Variants in KIF1A observed in about 807,000 individuals in gnomAD.
The protein encoded by KIF1A is kinesin-like protein KIF1A.
A neutral mutation model predicts 227.3 loss-of-function variants in KIF1A; 46 were observed. The observed-to-expected ratio is 0.20, with a 90% CI of 0.16 to 0.26. The LOEUF is 0.26. KIF1A is among the 10% of genes least tolerant of loss of function. The pLI is 1.00. For synonymous variants in KIF1A, 1,022 were observed against 1,012.8 expected (o/e 1.01, Z -0.17); for missense variants, 1,683 against 2,485.9 (o/e 0.68, Z 6.87).
chr2:240,728,912 A>G (rs1434257544), intron 38 of KIF1A, among the ~76,000 whole-genome samples: 3 of 152,188 alleles, frequency 2.0e-5, no homozygotes, highest in African/African-American at 7.2e-5. Context: ...AATTGCCCCT[A>G]CCTCAAGATG....
Position 240,725,001 on chromosome 2 carries a change from G to C in KIF1A, c.4256+270C>G, listed in dbSNP as rs949066790. On this transcript the variant is annotated intron_variant, in intron 40 of 48. Coordinates refer to ENST00000498729, the MANE Select transcript of KIF1A (RefSeq NM_001244008.2). This position sits in a 1 kb window ranked among gnomAD's most constrained non-coding sequence, Gnocchi z 5.8. ...ACAGGAGGCCCCAGGTGGGCACCCT[G>C]GGCCTGCCCCTCCTCCCATCCGCTG... Among the ~76,000 whole-genome samples, 56 of 146,104 alleles carry C rather than the reference G, an allele frequency of 3.8e-4. 2 individuals are homozygous for C. The highest frequency in any genetic ancestry group is 1.4e-3 in the African/African-American group (55 of 39,484).
intron 19 of KIF1A, 37 bp from the exon 20 acceptor site, chr2:240,765,830 T>C: frequency 6.6e-7 from 1 of 1,518,400 alleles, no homozygotes; most frequent in Non-Finnish European, 9.1e-7. Flanking sequence ...AGGAGGACTA[T>C]GAGGGGCTGT....
intron 24 of KIF1A, 94 bp from the exon 25 acceptor site, chr2:240,760,937 GCTGC>G (rs1210599106): frequency 1.6e-6 from 2 of 1,245,162 alleles, no homozygotes; most frequent in African/African-American, 3.1e-5. Flanking sequence ...GGAGATTTCA[GCTGC>G]CTGCCCCACA....
intron 38 of KIF1A, 54 bp downstream of exon 38, chr2:240,737,009 C>A (rs776515632): frequency 3.0e-4 from 436 of 1,450,402 alleles, no homozygotes; most frequent in Non-Finnish European, 4.0e-4. Flanking sequence ...GGCTGAGGGC[C>A]TGGCAGGCTG....
At chr2:240,781,535 G>A (rs548729492) in intron 10 of KIF1A, among the ~76,000 whole-genome samples, 9 of 148,468 alleles carry the variant, frequency 6.1e-5, no homozygotes, top group South Asian at 4.3e-4. Flanking sequence ...TCACAGTCCC[G>A]CACAATCTGG....
rs576778207 is a variant in KIF1A, at chr2:240,764,894, CCCTGCCCCGAGTTCCCAG to C, written c.1768+798_1768+815del. Among the ~76,000 whole-genome samples the C allele has an allele frequency of 4.1e-3, 618 of 152,218 alleles. 3 individuals carry two copies. The highest frequency in any genetic ancestry group is 0.01 in the Middle Eastern group (3 of 294). On this transcript the variant is annotated intron_variant, in intron 20 of 48. Transcript: ENST00000498729. ...GGAGTCCACTCCTGCCAAGTTCCCA[CCCTGCCCCGAGTTCCCAG>C]CCTGCCCCGAGTTCCCAGCCTGCCC...
At chr2:240,814,860 T>C (rs1244394008) in intron 1 of KIF1A, among the ~76,000 whole-genome samples, 2 of 152,146 alleles carry the variant, frequency 1.3e-5, no homozygotes, top group African/African-American at 4.8e-5. Context: ...GAGGCTGTGG[T>C]GAGCTGTGAC....
At chr2:240,804,260 C>G (rs912886766) in intron 1 of KIF1A, among the ~76,000 whole-genome samples, 1 of 152,080 alleles carries the variant, frequency 6.6e-6, no homozygotes, top group Non-Finnish European at 1.5e-5. Flanking sequence ...AGCGAGACTC[C>G]GTCTCAAAAA....
At chr2:240,773,706 GT>G (rs1421957677) in intron 12 of KIF1A, among the ~76,000 whole-genome samples, 3 of 152,212 alleles carry the variant, frequency 2.0e-5, no homozygotes, top group Non-Finnish European at 4.4e-5. Flanking sequence ...CACGCCCTTT[GT>G]TTCTCTTAAG....
chr2:240,791,929 C>T (rs1452135022), intron 2 of KIF1A, among the ~76,000 whole-genome samples: 1 of 150,522 alleles, frequency 6.6e-6, no homozygotes, highest in African/African-American at 2.4e-5. Context: ...CATCCCAGGC[C>T]CTGCACTGGG....
intron 1 of KIF1A, among the ~76,000 whole-genome samples, chr2:240,815,838 G>A (rs1489470154): frequency 6.6e-6 from 1 of 152,194 alleles, no homozygotes; most frequent in Non-Finnish European, 1.5e-5. Context: ...TGGAAAATGG[G>A]AACACCACCA....
chr2:240,719,905 C>T lies in KIF1A; in HGVS notation c.4890G>A (p.Arg1630=). The T allele has an allele frequency of 2.5e-6, 4 of 1,610,432 alleles. No homozygotes were observed. The highest frequency in any genetic ancestry group is 3.4e-6 in the Non-Finnish European group (4 of 1,179,116). ...GCAGCTCGGGCTCTGGGCTGGCTGG[C>T]CGGGAGCAGGGCTGCGGGGTCCTGG... ...TDLRTPQPCS[R]PASPEPELLP... is the part of the protein sequence containing the mutation. Residue 1630 remains arginine, a synonymous_variant, in exon 46 of 49, where the codon CGG becomes CGA. Transcript: ENST00000498729.
upstream of KIF1A, among the ~76,000 whole-genome samples, chr2:240,820,794 C>T (rs2058663563): frequency 6.6e-6 from 1 of 152,036 alleles, no homozygotes; most frequent in South Asian, 2.1e-4. The surrounding 1 kb of genome is among the most constrained non-coding windows in gnomAD (Gnocchi z 6.2). Context: ...CAGCAGTGAC[C>T]CAGGCCCTCC....
chr2:240,761,270 G>A lies in KIF1A; in HGVS notation c.2224C>T (p.Leu742Phe). 1 of 1,613,866 alleles carries A rather than the reference G, an allele frequency of 6.2e-7. No individual in the cohort carries two copies. The highest frequency in any genetic ancestry group is 8.5e-7 in the Non-Finnish European group (1 of 1,179,816). The change falls in exon 24 of 49, where the codon CTC becomes TTC. Residue 742 changes from leucine (L) to phenylalanine (F), a missense_variant. Leu to Phe is a conservative substitution (Grantham distance 22). This residue lies in a region of KIF1A where 217 missense variants were observed against 427.0 expected (regional missense o/e 0.51). Transcript: ENST00000498729. ...RDLLWGNAIFLKEANAISVEL... is the reference protein window; with the variant it reads ...RDLLWGNAIFFKEANAISVEL... ...ACGCTGATGGCATTGGCCTCCTTGA[G>A]GAAGATGGCGTTGCCCCACAGCAGG...
In KIF1A at chr2:240,736,912, C is replaced by T. The variant is rs1033850977; in HGVS notation, c.4007+151G>A. ...GGGGGTGCAGAGGCCACCAGCCCCTCACCGCACAGCTCCTGCAGGTGCCAG... is the reference window on the plus strand; with the variant it reads ...GGGGGTGCAGAGGCCACCAGCCCCTTACCGCACAGCTCCTGCAGGTGCCAG... On this transcript the variant is annotated intron_variant, in intron 38 of 48. Coordinates refer to ENST00000498729, the MANE Select transcript of KIF1A (RefSeq NM_001244008.2). The surrounding 1 kb of genome is among the most constrained non-coding windows in gnomAD (Gnocchi z 4.7). 6 of 651,682 alleles carry T rather than the reference C, an allele frequency of 9.2e-6. No homozygotes were observed. The highest frequency in any genetic ancestry group is 1.7e-5 in the Non-Finnish European group (6 of 363,580). 40.4% of individuals were successfully genotyped at this position (651,682 alleles called of 1,614,324 possible).
chr2:240,745,559 T>C (rs753907071), intron 31 of KIF1A, 42 bp from the exon 32 acceptor site: 1 of 1,553,050 alleles, frequency 6.4e-7, no homozygotes, highest in East Asian at 2.3e-5. Context: ...GTGGGGGACT[T>C]GGGATGAGAC....
At chr2:240,760,563 G>A in intron 25 of KIF1A, 102 bp downstream of exon 25, 1 of 831,700 alleles carries the variant, frequency 1.2e-6, no homozygotes, top group Non-Finnish European at 1.7e-6. Context: ...AGCGGTGTCT[G>A]CAGGTACTCG....
intron 25 of KIF1A, 83 bp downstream of exon 25, chr2:240,760,582 C>G: frequency 1.8e-6 from 2 of 1,125,130 alleles, no homozygotes; most frequent in East Asian, 3.1e-5. Context: ...CGCTGTGAAG[C>G]CTGTGCCTAC....
At chr2:240,759,028 C>T (rs189527922) in intron 25 of KIF1A, among the ~76,000 whole-genome samples, 6 of 152,274 alleles carry the variant, frequency 3.9e-5, no homozygotes, top group Non-Finnish European at 7.3e-5. Flanking sequence ...ACCACATCAA[C>T]AGTGGCTGTC....
Sources: gnomAD v4.1 joint callset for allele counts (sites outside exome capture counted in the v4.1 genomes callset) on GRCh38, gnomAD v4.1.1 for gene constraint, gnomAD v4.1.1 regional missense constraint, Gnocchi (gnomAD v3.1) non-coding constraint, MANE v1.5 for transcripts, NCBI Gene and HGNC (gene_info 2026-07-23, HGNC 2026-07-21) for gene names.